BMAL2: variants seen among roughly 807,000 people sequenced by gnomAD.
BMAL2 encodes basic helix-loop-helix ARNT-like protein 2.
chr12:27,411,676 T>C, the BMAL2 span, among the ~76,000 whole-genome samples: 17 of 152,200 alleles, frequency 1.1e-4, no homozygotes, highest in African/African-American at 3.9e-4. Flanking sequence ...CTTTGCCCAC[T>C]ATTTAATCAA....
the BMAL2 span, among the ~76,000 whole-genome samples, chr12:27,335,924 T>G: frequency 6.6e-6 from 1 of 152,178 alleles, no homozygotes; most frequent in African/African-American, 2.4e-5. Context: ...GAGAATACAG[T>G]GATTTCAGTT....
the BMAL2 span, among the ~76,000 whole-genome samples, chr12:27,345,411 T>C: frequency 3.3e-5 from 5 of 152,240 alleles, no homozygotes; most frequent in Non-Finnish European, 7.3e-5. Context: ...AAAACACAGC[T>C]GGGCATATTA....
At chr12:27,419,690 G>A in the BMAL2 span, among the ~76,000 whole-genome samples, 6 of 152,280 alleles carry the variant, frequency 3.9e-5, no homozygotes, top group South Asian at 1.2e-3. Context: ...AGGACTTGAA[G>A]GAATTTGGAT....
At chr12:27,372,560 T>C in the BMAL2 span, among the ~76,000 whole-genome samples, 1 of 152,230 alleles carries the variant, frequency 6.6e-6, no homozygotes, top group Non-Finnish European at 1.5e-5. Context: ...TTCTGTTTAG[T>C]TTTTGAGGAA....
At chr12:27,380,316 A>G in the BMAL2 span, 1 of 1,614,218 alleles carries the variant, frequency 6.2e-7, no homozygotes, top group East Asian at 2.2e-5. Context: ...AACTGTCTGC[A>G]ATGATCCCTC....
the BMAL2 span, among the ~76,000 whole-genome samples, chr12:27,350,400 T>C: frequency 1.3e-5 from 2 of 152,214 alleles, no homozygotes; most frequent in South Asian, 4.1e-4. Flanking sequence ...GAGATCTCTC[T>C]TCCACAGTAC....
the BMAL2 span, among the ~76,000 whole-genome samples, chr12:27,374,816 A>G: frequency 9.7e-4 from 148 of 151,868 alleles, no homozygotes; most frequent in Middle Eastern, 3.2e-3. Context: ...ACTTTACTCA[A>G]CTCCTTCATC....
At chr12:27,384,349 G>A in the BMAL2 span, among the ~76,000 whole-genome samples, 1 of 152,116 alleles carries the variant, frequency 6.6e-6, no homozygotes, top group African/African-American at 2.4e-5. Context: ...GCTAAGGGCT[G>A]AAAATTAATT....
chr12:27,395,891 C>T, the BMAL2 span, among the ~76,000 whole-genome samples: 11 of 152,188 alleles, frequency 7.2e-5, no homozygotes. Flanking sequence ...GTAGAAAGGG[C>T]CTGGGCTCTG....
the BMAL2 span, chr12:27,401,480 A>G: frequency 4.4e-3 from 6,809 of 1,544,458 alleles, 15 homozygotes; most frequent in Non-Finnish European, 5.3e-3. Flanking sequence ...ATTGATTTTT[A>G]TAGTCATTGA....
the BMAL2 span, among the ~76,000 whole-genome samples, chr12:27,380,855 G>C: frequency 2.6e-5 from 4 of 151,724 alleles, no homozygotes; most frequent in African/African-American, 4.8e-5. Context: ...GTGTGGTCTT[G>C]CGTGCTTGTA....
chr12:27,332,887 C>T, the BMAL2 span: 1 of 225,088 alleles, frequency 4.4e-6, no homozygotes, highest in Non-Finnish European at 8.0e-6. Flanking sequence ...TGCTGCCGGC[C>T]GGGCTGCGGG....
At chr12:27,394,583 A>T in the BMAL2 span, 2 of 152,202 alleles carry the variant, frequency 1.3e-5, no homozygotes, top group Non-Finnish European at 2.9e-5. Context: ...AACGATTATG[A>T]ATTAAATGAA....
chr12:27,385,469 C>T, the BMAL2 span: 21 of 1,582,392 alleles, frequency 1.3e-5, no homozygotes, highest in Admixed American at 1.7e-5. Flanking sequence ...CTCTTGATGC[C>T]TTTCTTTTTA....
the BMAL2 span, among the ~76,000 whole-genome samples, chr12:27,412,171 A>C: frequency 6.6e-6 from 1 of 152,232 alleles, no homozygotes; most frequent in African/African-American, 2.4e-5. Flanking sequence ...ATATACTGCA[A>C]GGGCATTTTA....
chr12:27,416,092 G>T, the BMAL2 span: 448,136 of 591,130 alleles, frequency 0.76, 172,382 homozygotes, highest in Middle Eastern at 0.87. Context: ...TTTAAGTGGC[G>T]TTGTGGAATA....
the BMAL2 span, chr12:27,423,192 T>C: frequency 2.0e-5 from 3 of 152,184 alleles, no homozygotes; most frequent in Non-Finnish European, 4.4e-5. Flanking sequence ...AGAAGTGACA[T>C]ATTTTTATGG....
At chr12:27,342,999 A>C in the BMAL2 span, among the ~76,000 whole-genome samples, 1 of 152,254 alleles carries the variant, frequency 6.6e-6, no homozygotes, top group Non-Finnish European at 1.5e-5. Context: ...TTCAATTCGC[A>C]CCTCAAAGTT....
the BMAL2 span, chr12:27,401,151 C>T: frequency 1.1e-6 from 1 of 891,138 alleles, no homozygotes. Flanking sequence ...TCACTCATCC[C>T]CTACCCTGTG....
Sources: gnomAD v4.1 joint callset for allele counts (sites outside exome capture counted in the v4.1 genomes callset) on GRCh38, gnomAD v4.1.1 for gene constraint, MANE v1.5 for transcripts, NCBI Gene and HGNC (gene_info 2026-07-23, HGNC 2026-07-21) for gene names.